The following KAZN variants were observed in gnomAD, a reference collection of about 807,000 sequenced individuals.
KAZN encodes kazrin, periplakin interacting protein.
Under a neutral mutation model 87.4 loss-of-function variants are expected in KAZN, and 40 were observed. The ratio of observed to expected loss-of-function variants is 0.46; its 90% CI spans 0.36 to 0.60. KAZN has a LOEUF of 0.60. Ranked by LOEUF, KAZN falls within the 20% of genes least tolerant of loss-of-function variation. The pLI is 0.00. For synonymous variants in KAZN, 466 were observed against 458.3 expected (o/e 1.02, Z -0.22); for missense variants, 898 against 1,073.9 (o/e 0.84, Z 2.29).
chr1:14,498,286 C>T (rs530592428), intron 2 of KAZN, among the ~76,000 whole-genome samples: 1 of 152,214 alleles, frequency 6.6e-6, no homozygotes, highest in African/African-American at 2.4e-5. Flanking sequence ...AGGTCGTGTC[C>T]ACTCACCACT....
At chr1:14,558,230 A>G (rs1674029523) in intron 2 of KAZN, among the ~76,000 whole-genome samples, 1 of 152,248 alleles carries the variant, frequency 6.6e-6, no homozygotes, top group Non-Finnish European at 1.5e-5. Context: ...CCACAACAGC[A>G]CAAATGCTAT....
At chr1:13,913,978 A>G (rs1286302878) in intron 1 of KAZN, among the ~76,000 whole-genome samples, 3 of 152,198 alleles carry the variant, frequency 2.0e-5, no homozygotes, top group African/African-American at 7.2e-5. Context: ...GGCCTCACCC[A>G]AGACCTGCTC....
At chr1:14,660,838 C>T (rs1436772753) in intron 1 of KAZN, among the ~76,000 whole-genome samples, 2 of 152,174 alleles carry the variant, frequency 1.3e-5, no homozygotes, top group East Asian at 3.8e-4. Flanking sequence ...AGATCCTCCT[C>T]ATTTATGTTA....
chr1:14,649,528 A>G (rs757702745), intron 1 of KAZN, among the ~76,000 whole-genome samples: 2 of 152,212 alleles, frequency 1.3e-5, no homozygotes, highest in Non-Finnish European at 2.9e-5. Flanking sequence ...CATTTTACTC[A>G]TTACAGTGAC....
intron 1 of KAZN, among the ~76,000 whole-genome samples, chr1:14,917,131 G>C (rs1428572562): frequency 6.6e-6 from 1 of 152,110 alleles, no homozygotes; most frequent in Non-Finnish European, 1.5e-5. Context: ...ACCATCAAAG[G>C]GTATCAGTGA....
intron 2 of KAZN, among the ~76,000 whole-genome samples, chr1:14,180,994 G>A (rs770076993): frequency 9.2e-5 from 14 of 152,238 alleles, no homozygotes; most frequent in African/African-American, 2.6e-4. Flanking sequence ...TACTCCTCCC[G>A]CCCCGCCCCA....
intron 1 of KAZN, among the ~76,000 whole-genome samples, chr1:14,863,127 C>G (rs1651059200): frequency 6.6e-6 from 1 of 152,194 alleles, no homozygotes; most frequent in Admixed American, 6.5e-5. Flanking sequence ...TGAGCTTGCT[C>G]TGGGGACTGG....
In KAZN at chr1:14,949,155, A is replaced by AATAATAAT. The variant is rs1553161517; in HGVS notation, c.227-11528_227-11527insTAATAATA. Among the ~76,000 whole-genome samples, 8 of 143,868 alleles carry AATAATAAT rather than the reference A, an allele frequency of 5.6e-5. No homozygotes were observed. Among genetic ancestry groups the AATAATAAT allele is most frequent in the African/African-American group, 2.1e-4 (8 of 38,866 alleles). The allele number at this position is 143,868 out of a possible 152,430, so 94.4% of individuals were successfully genotyped here. A position where few individuals can be genotyped will look rare whatever the true frequency, so the allele number is the denominator to read the frequency against. On this transcript the variant is annotated intron_variant, in intron 1 of 14. Transcript: ENST00000376030. The surrounding 1 kb of genome is among the most constrained non-coding windows in gnomAD (Gnocchi z 4.3). ...GCAACAGAGTGAGACTCCGACTCAA[A>AATAATAAT]AATAATAATAATAATAATAATAATA...
At chr1:14,988,492 G>A (rs967113672) in intron 2 of KAZN, among the ~76,000 whole-genome samples, 3 of 152,236 alleles carry the variant, frequency 2.0e-5, no homozygotes, top group Non-Finnish European at 4.4e-5. Flanking sequence ...GAAGAACAGG[G>A]CAGCTGCACT....
chr1:14,827,402 A>C (rs1387694089), intron 1 of KAZN, among the ~76,000 whole-genome samples: 3 of 152,120 alleles, frequency 2.0e-5, no homozygotes, highest in Non-Finnish European at 2.9e-5. Context: ...TTTATCCCTC[A>C]CCTGCTTCCC....
At position 14,969,047 on chromosome 1, in the gene KAZN, G is replaced by A. The variant is rs182456540; in HGVS notation, c.418+8172G>A. Among the ~76,000 whole-genome samples the A allele has an allele frequency of 3.0e-3, 460 of 152,312 alleles. 7 individuals are homozygous for A. The highest frequency in any genetic ancestry group is 6.8e-3 in the Middle Eastern group (2 of 294). ...AGACTGTCTTAAGTCCAGCGGGGTC[G>A]GTGGGGCTGGAAGACTAAAGCTCCC... On this transcript the variant is annotated intron_variant, in intron 2 of 14. Transcript: ENST00000376030.
At chr1:14,231,825 T>C (rs927555680) in intron 2 of KAZN, among the ~76,000 whole-genome samples, 2 of 152,212 alleles carry the variant, frequency 1.3e-5, no homozygotes, top group African/African-American at 2.4e-5. Context: ...TTCTCATTCA[T>C]AGAAATTCTA....
At chr1:14,398,443 A>G (rs1048246800) in intron 2 of KAZN, among the ~76,000 whole-genome samples, 1 of 152,244 alleles carries the variant, frequency 6.6e-6, no homozygotes, top group Non-Finnish European at 1.5e-5. Flanking sequence ...GGGTTAATGC[A>G]TATAATGCAC....
rs1481117273 is a variant in KAZN at position 14,923,436 on chromosome 1, C to T, written c.227-37248C>T. 1.3e-5 allele frequency among the ~76,000 whole-genome samples: 2 copies of T among 152,200 alleles called. No homozygotes were observed. The highest frequency in any genetic ancestry group is 4.8e-5 in the African/African-American group (2 of 41,462). ...GCCACTTCCTACAGGGTTTGCCTGG[C>T]CTTGTCACTGTTCCCCCACCCACTC... On this transcript the variant is annotated intron_variant, in intron 1 of 14. Transcript: ENST00000376030. The surrounding 1 kb of genome is among the most constrained non-coding windows in gnomAD (Gnocchi z 4.2).
At chr1:14,906,912 G>A (rs959976140) in intron 1 of KAZN, among the ~76,000 whole-genome samples, 11 of 151,778 alleles carry the variant, frequency 7.2e-5, no homozygotes, top group African/African-American at 2.2e-4. Context: ...ATGCTGAGAT[G>A]AGTACAAAGA....
chr1:14,316,007 TC>T (rs1655632285), intron 2 of KAZN, among the ~76,000 whole-genome samples: 1 of 151,980 alleles, frequency 6.6e-6, no homozygotes, highest in Non-Finnish European at 1.5e-5. Context: ...CATTTCACAT[TC>T]CCACCAGCTA....
intron 1 of KAZN, among the ~76,000 whole-genome samples, chr1:13,984,736 A>G (rs1297231435): frequency 6.6e-6 from 1 of 152,246 alleles, no homozygotes; most frequent in African/African-American, 2.4e-5. Flanking sequence ...TGATGAGCAC[A>G]GAGCATGGCA....
chr1:14,409,003 A>G (rs1400421918), intron 2 of KAZN, among the ~76,000 whole-genome samples: 1 of 152,184 alleles, frequency 6.6e-6, no homozygotes, highest in Non-Finnish European at 1.5e-5. Flanking sequence ...CAACTATGGG[A>G]AAACATTCCA....
At chr1:14,172,444 C>T (rs994207356) in intron 1 of KAZN, among the ~76,000 whole-genome samples, 6 of 152,134 alleles carry the variant, frequency 3.9e-5, no homozygotes, top group Non-Finnish European at 7.4e-5. Context: ...TATTATGTGC[C>T]AGGTCCTATG....
Sources: gnomAD v4.1 joint callset for allele counts (sites outside exome capture counted in the v4.1 genomes callset) on GRCh38, gnomAD v4.1.1 for gene constraint, Gnocchi (gnomAD v3.1) non-coding constraint, MANE v1.5 for transcripts, NCBI Gene and HGNC (gene_info 2026-07-23, HGNC 2026-07-21) for gene names.